Variants in KIAA1217 observed in about 807,000 individuals in gnomAD.
KIAA1217 encodes the protein sickle tail protein homolog.
In KIAA1217, 88 loss-of-function variants were observed where a neutral mutation model predicts 163.9. The ratio of observed to expected loss-of-function variants is 0.54; its 90% CI spans 0.45 to 0.64. The LOEUF (loss-of-function observed/expected upper bound fraction) is 0.64. Among genes scored for constraint, KIAA1217 ranks in the 30% least tolerant of loss-of-function variants. The probability of loss-of-function intolerance (pLI) is 0.00; values close to 1 mark genes in which losing one functional copy is unlikely to be tolerated. For missense variants in KIAA1217, 2,372 were observed against 2,475.0 expected (o/e 0.96, Z 0.88); for synonymous variants, 903 against 923.1 (o/e 0.98, Z 0.39).
intron 1 of KIAA1217, among the ~76,000 whole-genome samples, chr10:23,900,861 A>G (rs1841927642): frequency 6.6e-6 from 1 of 152,144 alleles, no homozygotes; most frequent in East Asian, 1.9e-4. Context: ...AAGCTTTTCT[A>G]TCCATCCATT....
At chr10:24,386,560 C>G (rs1326232239) in intron 3 of KIAA1217, among the ~76,000 whole-genome samples, 1 of 127,676 alleles carries the variant, frequency 7.8e-6, no homozygotes, top group African/African-American at 3.7e-5. Flanking sequence ...AAAAATAAAT[C>G]TATTTTATTT....
At chr10:23,727,594 T>C (rs185404582) in intron 1 of KIAA1217, among the ~76,000 whole-genome samples, 1 of 152,162 alleles carries the variant, frequency 6.6e-6, no homozygotes, top group Non-Finnish European at 1.5e-5. Flanking sequence ...ATGATGCACA[T>C]ACATAGTTAT....
intron 2 of KIAA1217, among the ~76,000 whole-genome samples, chr10:24,190,929 C>T (rs1355297115): frequency 2.6e-5 from 4 of 151,900 alleles, no homozygotes; most frequent in Non-Finnish European, 4.4e-5. Flanking sequence ...CTCGGTGGCT[C>T]ACACTTGTAA....
intron 2 of KIAA1217, among the ~76,000 whole-genome samples, chr10:24,224,460 C>G: frequency 6.6e-6 from 1 of 151,996 alleles, no homozygotes; most frequent in East Asian, 1.9e-4. Flanking sequence ...TGCCTCAAGC[C>G]TCCCGAGTAG....
At chr10:24,052,623 G>A (rs1221273948) in intron 2 of KIAA1217, among the ~76,000 whole-genome samples, 2 of 152,012 alleles carry the variant, frequency 1.3e-5, no homozygotes, top group Non-Finnish European at 2.9e-5. Flanking sequence ...AGTCTAATGA[G>A]CCACTTTACA....
intron 1 of KIAA1217, among the ~76,000 whole-genome samples, chr10:23,789,102 C>T (rs763582165): frequency 9.2e-5 from 14 of 152,044 alleles, no homozygotes; most frequent in South Asian, 4.1e-4. Flanking sequence ...TTTCTATTTC[C>T]GTTTCTCTGA....
At chr10:24,423,831 C>T (rs2058961188) in intron 3 of KIAA1217, among the ~76,000 whole-genome samples, 2 of 152,140 alleles carry the variant, frequency 1.3e-5, no homozygotes, top group Non-Finnish European at 2.9e-5. Context: ...CCACAGCACC[C>T]GGCCAAGGGC....
chr10:23,844,895 C>T (rs969388301), intron 1 of KIAA1217, among the ~76,000 whole-genome samples: 2 of 152,156 alleles, frequency 1.3e-5, no homozygotes, highest in South Asian at 2.1e-4. Flanking sequence ...CCTAGCCCCC[C>T]GCACCTCGAC....
At position 24,474,072 on chromosome 10, in the gene KIAA1217, T is replaced by C; in HGVS notation, c.1679+12T>C. On this transcript the variant is annotated intron_variant, in intron 6 of 20. Coordinates refer to ENST00000376454, the MANE Select transcript of KIAA1217 (RefSeq NM_019590.5). ...GACAGAGAGACCAGGTAAGGTGCAG[T>C]GAGGGTGACCGAGGGTGGTACCTGG... is the stretch of plus-strand genomic sequence containing the variant. 6 of 1,576,030 alleles carry C rather than the reference T, an allele frequency of 3.8e-6. No homozygotes were observed. The highest frequency in any genetic ancestry group is 5.2e-6 in the Non-Finnish European group (6 of 1,160,104).
intron 1 of KIAA1217, among the ~76,000 whole-genome samples, chr10:23,727,105 A>G (rs1008353325): frequency 2.0e-5 from 3 of 148,132 alleles, no homozygotes; most frequent in Non-Finnish European, 3.0e-5. Flanking sequence ...CTCCTGCCTC[A>G]GCCTCCTGAG....
chr10:24,189,352 G>A (rs1451545473), intron 2 of KIAA1217, among the ~76,000 whole-genome samples: 3 of 152,188 alleles, frequency 2.0e-5, no homozygotes, highest in South Asian at 2.1e-4. Flanking sequence ...AAAATGCTTC[G>A]AAAATATGCC....
At chr10:23,991,818 T>A (rs775632264) in intron 1 of KIAA1217, among the ~76,000 whole-genome samples, 2 of 152,110 alleles carry the variant, frequency 1.3e-5, no homozygotes, top group Non-Finnish European at 2.9e-5. Flanking sequence ...CAGTGTCAGA[T>A]AGGAAAATAA....
At chr10:24,242,004 A>G (rs1335606515) in intron 2 of KIAA1217, among the ~76,000 whole-genome samples, 8 of 152,206 alleles carry the variant, frequency 5.3e-5, no homozygotes, top group African/African-American at 9.6e-5. Flanking sequence ...CTGTGGTCCC[A>G]TGAATTAGGC....
chr10:24,222,404 G>A (rs547845961), intron 2 of KIAA1217, among the ~76,000 whole-genome samples: 2 of 152,198 alleles, frequency 1.3e-5, no homozygotes, highest in African/African-American at 4.8e-5. Flanking sequence ...AAGGGGTCCT[G>A]ATCCAGACCC....
chr10:24,178,334 A>G (rs1212497434), intron 2 of KIAA1217, among the ~76,000 whole-genome samples: 1 of 152,258 alleles, frequency 6.6e-6, no homozygotes, highest in African/African-American at 2.4e-5. Context: ...ACAACATTGT[A>G]AAAGATGGCA....
intron 1 of KIAA1217, among the ~76,000 whole-genome samples, chr10:23,926,749 A>ATAAATAAATAAATAAATAAATAAATAAG (rs1554824974): frequency 1.3e-4 from 20 of 151,344 alleles, no homozygotes; most frequent in African/African-American, 4.6e-4. Flanking sequence ...AAATAAATAA[A>ATAAATAAATAAATAAATAAATAAATAAG]TAAATAAATA....
chr10:24,202,421 C>T (rs2067311828), intron 2 of KIAA1217, among the ~76,000 whole-genome samples: 1 of 152,100 alleles, frequency 6.6e-6, no homozygotes. Context: ...TGGGCACAGG[C>T]AATCCCTGCC....
intron 2 of KIAA1217, among the ~76,000 whole-genome samples, chr10:24,160,837 T>C (rs570105581): frequency 1.4e-4 from 22 of 152,214 alleles, no homozygotes; most frequent in Admixed American, 4.6e-4. Flanking sequence ...ACTCTTGCCC[T>C]GAGAACTTCA....
intron 6 of KIAA1217, among the ~76,000 whole-genome samples, chr10:24,483,502 C>G (rs2064967920): frequency 6.6e-6 from 1 of 152,144 alleles, no homozygotes; most frequent in Admixed American, 6.5e-5. Flanking sequence ...TAAGACAAAA[C>G]AAAAAGGAAA....
Sources: allele counts gnomAD v4.1 joint callset (sites outside exome capture counted in the v4.1 genomes callset), GRCh38; gene constraint gnomAD v4.1.1; transcripts MANE v1.5; gene names NCBI Gene and HGNC (gene_info 2026-07-23, HGNC 2026-07-21).